LRRC4C: variants seen among roughly 807,000 people sequenced by gnomAD.
LRRC4C encodes leucine rich repeat containing 4C.
Under a neutral mutation model 33.6 loss-of-function variants are expected in LRRC4C, and 5 were observed. That is an observed-to-expected ratio of 0.15 (90% CI 0.08 to 0.31). The LOEUF is 0.31. LRRC4C is among the 10% of genes least tolerant of loss of function. The pLI is 1.00. For synonymous variants in LRRC4C, 329 were observed against 302.0 expected, an observed-to-expected ratio of 1.09 and a Z score of -0.93; for missense variants, 560 against 796.7, an observed-to-expected ratio of 0.70 and a Z score of 3.58.
chr11:40,410,126 T>A (rs575082233), intron 3 of LRRC4C, among the ~76,000 whole-genome samples: 1 of 152,076 alleles, frequency 6.6e-6, no homozygotes, highest in South Asian at 2.1e-4. Context: ...TATAGAGACA[T>A]CTAGCTCTTT....
At chr11:41,077,030 A>T (rs186592047) in intron 1 of LRRC4C, among the ~76,000 whole-genome samples, 1 of 152,288 alleles carries the variant, frequency 6.6e-6, no homozygotes, top group Admixed American at 6.5e-5. Flanking sequence ...ATCTCCTTTG[A>T]TTCCATGTCT....
chr11:40,341,035 C>T (rs1473446219), intron 3 of LRRC4C, among the ~76,000 whole-genome samples: 3 of 152,246 alleles, frequency 2.0e-5, no homozygotes, highest in Admixed American at 2.0e-4. Flanking sequence ...CTTGCCAAGG[C>T]TCTATTGAAA....
intron 1 of LRRC4C, among the ~76,000 whole-genome samples, chr11:41,148,205 C>T (rs1442021004): frequency 7.2e-5 from 11 of 151,868 alleles, no homozygotes; most frequent in South Asian, 2.1e-4. Flanking sequence ...TTAGTAGAGA[C>T]GGGGTTTCAT....
At chr11:40,776,873 A>C (rs1950020443) in intron 2 of LRRC4C, among the ~76,000 whole-genome samples, 1 of 152,100 alleles carries the variant, frequency 6.6e-6, no homozygotes, top group African/African-American at 2.4e-5. Context: ...AGAGCTATAA[A>C]CTTTCCTCTT....
At chr11:41,344,529 C>A (rs888835812) in intron 1 of LRRC4C, among the ~76,000 whole-genome samples, 1 of 152,142 alleles carries the variant, frequency 6.6e-6, no homozygotes, top group Non-Finnish European at 1.5e-5. Context: ...CAAAGCCTTT[C>A]TATCTTAACT....
At chr11:40,152,785 G>T (rs1431407381) in intron 5 of LRRC4C, among the ~76,000 whole-genome samples, 1 of 152,152 alleles carries the variant, frequency 6.6e-6, no homozygotes, top group Non-Finnish European at 1.5e-5. Flanking sequence ...GCCACAGCAA[G>T]ACATGCCCAA....
At chr11:40,596,147 T>A (rs1342713332) in intron 3 of LRRC4C, among the ~76,000 whole-genome samples, 1 of 152,148 alleles carries the variant, frequency 6.6e-6, no homozygotes, top group African/African-American at 2.4e-5. Flanking sequence ...TGGAGGAGGA[T>A]GATAACTTGG....
At chr11:40,389,395 A>G (rs1181222524) in intron 3 of LRRC4C, among the ~76,000 whole-genome samples, 1 of 152,192 alleles carries the variant, frequency 6.6e-6, no homozygotes, top group African/African-American at 2.4e-5. Context: ...AAGAACTCGT[A>G]AAGATATTAC....
intron 3 of LRRC4C, among the ~76,000 whole-genome samples, chr11:40,631,440 T>G (rs1048113731): frequency 6.6e-6 from 1 of 152,142 alleles, no homozygotes; most frequent in African/African-American, 2.4e-5. Context: ...ACACTGACAG[T>G]CTCAATATGT....
intron 3 of LRRC4C, among the ~76,000 whole-genome samples, chr11:40,468,434 G>A (rs1009346889): frequency 1.3e-5 from 2 of 152,284 alleles, no homozygotes; most frequent in African/African-American, 4.8e-5. Context: ...AACATATGGA[G>A]AGTAATCTAC....
At chr11:40,142,919 C>A (rs1423834022) in intron 5 of LRRC4C, among the ~76,000 whole-genome samples, 2 of 151,980 alleles carry the variant, frequency 1.3e-5, no homozygotes, top group Non-Finnish European at 2.9e-5. Context: ...TGATTTAACC[C>A]GACAAAGACT....
chr11:41,132,187 C>A (rs2135844450), intron 1 of LRRC4C, among the ~76,000 whole-genome samples: 1 of 152,100 alleles, frequency 6.6e-6, no homozygotes, highest in South Asian at 2.1e-4. Context: ...CAGAATTTAG[C>A]ATGAAGAAAG....
intron 5 of LRRC4C, among the ~76,000 whole-genome samples, chr11:40,164,563 A>T (rs114073161): frequency 0.014 from 2,100 of 152,268 alleles, 49 homozygotes; most frequent in African/African-American, 0.046. Context: ...AGCAACATAA[A>T]TGGAACTGGA....
chr11:41,115,136 TAAA>T (rs1280130487), intron 1 of LRRC4C, among the ~76,000 whole-genome samples: 1 of 152,128 alleles, frequency 6.6e-6, no homozygotes, highest in Non-Finnish European at 1.5e-5. Context: ...CTTATTTCTC[TAAA>T]GCTAAGTAAC....
intron 1 of LRRC4C, among the ~76,000 whole-genome samples, chr11:41,146,291 C>A (rs1943724201): frequency 6.6e-6 from 1 of 152,192 alleles, no homozygotes; most frequent in Non-Finnish European, 1.5e-5. Context: ...CATCATCTCT[C>A]AAGGTTAAGA....
intron 1 of LRRC4C, among the ~76,000 whole-genome samples, chr11:41,444,088 T>G (rs1374027046): frequency 1.3e-5 from 2 of 152,124 alleles, no homozygotes; most frequent in Non-Finnish European, 2.9e-5. Context: ...TTTCCGAACC[T>G]CTAATGCTTT....
At chr11:41,263,388 T>C (rs1376622997) in intron 1 of LRRC4C, among the ~76,000 whole-genome samples, 1 of 152,168 alleles carries the variant, frequency 6.6e-6, no homozygotes, top group East Asian at 1.9e-4. Flanking sequence ...GAGATCAAAA[T>C]TTGGCCTTGA....
intron 1 of LRRC4C, among the ~76,000 whole-genome samples, chr11:41,263,674 C>T (rs1454852352): frequency 6.6e-6 from 1 of 152,032 alleles, no homozygotes; most frequent in Non-Finnish European, 1.5e-5. Flanking sequence ...GAGAAGACTG[C>T]TAGGGGAGTT....
intron 1 of LRRC4C, among the ~76,000 whole-genome samples, chr11:41,457,326 C>G (rs1956201110): frequency 6.6e-6 from 1 of 152,086 alleles, no homozygotes. Flanking sequence ...AAATAGATGA[C>G]CTAAAATGCT....
Sources: allele counts gnomAD v4.1 joint callset (sites outside exome capture counted in the v4.1 genomes callset), GRCh38; gene constraint gnomAD v4.1.1; transcripts MANE v1.5; gene names NCBI Gene and HGNC (gene_info 2026-07-23, HGNC 2026-07-21).